NAALADL2: variants seen among roughly 807,000 people sequenced by gnomAD.
The protein encoded by NAALADL2 is N-acetylated alpha-linked acidic dipeptidase like 2.
Under a neutral mutation model 87.2 loss-of-function variants are expected in NAALADL2, and 76 were observed. That is an observed-to-expected ratio of 0.87 (90% CI 0.72 to 1.05). NAALADL2 has a LOEUF of 1.05. Ranked by LOEUF, NAALADL2 falls within the 50% of genes least tolerant of loss-of-function variation. The pLI, the probability that NAALADL2 is intolerant of heterozygous loss-of-function variation, is 0.00. For missense variants in NAALADL2, 1,089 were observed against 945.8 expected (o/e 1.15, Z -1.99); for synonymous variants, 354 against 331.0 (o/e 1.07, Z -0.75).
At chr3:175,575,832 G>T (rs1582467424) in intron 9 of NAALADL2, among the ~76,000 whole-genome samples, 1 of 152,096 alleles carries the variant, frequency 6.6e-6, no homozygotes, top group African/African-American at 2.4e-5. Context: ...TTCAGTGAGC[G>T]TCAGAATCAA....
At chr3:175,013,187 A>AATATGTAAAATATATTTATAT (rs1553916796) in intron 1 of NAALADL2, among the ~76,000 whole-genome samples, 6 of 93,990 alleles carry the variant, frequency 6.4e-5, no homozygotes, top group African/African-American at 3.1e-4. Flanking sequence ...TTTATATATA[A>AATATGTAAAATATATTTATAT]ATATATATAC....
In NAALADL2 at chr3:174,785,127, A is replaced by G. The variant is rs533017960; in HGVS notation, c.-9+47381A>G. On this transcript the variant is annotated intron_variant, in intron 3 of 3. Transcript: ENST00000434257. ...TGAGATATGAATGACACTGTCACCC[A>G]TGTAGTCAGCACAGTGTACAACAGT... Among the ~76,000 whole-genome samples, 7 of 152,242 alleles carry G rather than the reference A, an allele frequency of 4.6e-5. No homozygotes were observed. The South Asian group carries it at 1.4e-3, about 32-fold the overall frequency.
In NAALADL2 at chr3:175,803,027, GA is replaced by G; in HGVS notation, c.2216del (p.Lys739ArgfsTer9). 1 of 1,611,630 alleles carries G rather than the reference GA, an allele frequency of 6.2e-7. No individual in the cohort carries two copies. The highest frequency in any genetic ancestry group is 8.5e-7 in the Non-Finnish European group (1 of 1,178,418). ...CAGAAACATCCTCTACCACCTTGAT[GA>G]AAAGACAAGCCGGTTTTCAATACTT... ...FYRNILYHLD[E>X]KTSRFSILIE... On this transcript the variant is annotated frameshift_variant, in exon 14 of 14. Coordinates refer to ENST00000454872, the MANE Select transcript of NAALADL2 (RefSeq NM_207015.3). LOFTEE classifies it high-confidence loss of function.
rs201416958 is a variant in NAALADL2 at position 175,698,502 on chromosome 3, TAA to T, written c.1897-38801_1897-38800del. On this transcript the variant is annotated intron_variant, in intron 11 of 13. Transcript: ENST00000454872. ...ATATATTTATATATATATATATATA[TAA>T]AATCTCCAAGCAAATTCCTATGTAC... Among the ~76,000 whole-genome samples the T allele has an allele frequency of 3.2e-3, 448 of 141,082 alleles. 94 individuals carry two copies. The highest frequency in any genetic ancestry group is 0.011 in the African/African-American group (418 of 37,466). 92.6% of individuals were successfully genotyped at this position (141,082 alleles called of 152,430 possible). A position where few individuals can be genotyped will look rare whatever the true frequency, so the allele number is the denominator to read the frequency against.
chr3:174,534,883 T>C (rs1344138460), intron 1 of NAALADL2, among the ~76,000 whole-genome samples: 1 of 152,204 alleles, frequency 6.6e-6, no homozygotes, highest in Non-Finnish European at 1.5e-5. Context: ...TATCAGACTT[T>C]AGGCCAGTGG....
intron 5 of NAALADL2, among the ~76,000 whole-genome samples, chr3:175,380,936 C>G (rs1229457726): frequency 1.3e-5 from 2 of 151,664 alleles, no homozygotes; most frequent in Non-Finnish European, 2.9e-5. Flanking sequence ...GGAGATATTT[C>G]CAACTTATGA....
chr3:174,605,496 C>T (rs1027727625), intron 2 of NAALADL2, among the ~76,000 whole-genome samples: 17 of 152,292 alleles, frequency 1.1e-4, no homozygotes, highest in African/African-American at 3.1e-4. Flanking sequence ...GCTTAAAAAA[C>T]GGTGCACCAG....
At chr3:174,830,199 TG>T in intron 3 of NAALADL2, among the ~76,000 whole-genome samples, 1 of 141,126 alleles carries the variant, frequency 7.1e-6, no homozygotes, top group South Asian at 2.4e-4. Context: ...CCCATGCCTA[TG>T]TCCTGAATGG....
At chr3:174,975,928 A>T (rs545559703) in intron 1 of NAALADL2, among the ~76,000 whole-genome samples, 1 of 152,326 alleles carries the variant, frequency 6.6e-6, no homozygotes, top group South Asian at 2.1e-4. Flanking sequence ...TTGATTTTAA[A>T]TTTGTGAGCT....
At chr3:175,717,741 G>A (rs894196405) in intron 11 of NAALADL2, among the ~76,000 whole-genome samples, 8 of 148,214 alleles carry the variant, frequency 5.4e-5, no homozygotes, top group African/African-American at 1.7e-4. Context: ...TATACAGACA[G>A]CAACCTTGAA....
intron 11 of NAALADL2, among the ~76,000 whole-genome samples, chr3:175,684,089 A>G (rs562238972): frequency 3.3e-5 from 5 of 152,060 alleles, no homozygotes; most frequent in Non-Finnish European, 7.4e-5. Flanking sequence ...GTACTTTTGT[A>G]AAGGAGATGC....
intron 10 of NAALADL2, among the ~76,000 whole-genome samples, chr3:175,618,363 T>C (rs1725649839): frequency 6.6e-6 from 1 of 152,032 alleles, no homozygotes; most frequent in Non-Finnish European, 1.5e-5. Context: ...ACAACCTGGG[T>C]AGGGAGAAAG....
intron 11 of NAALADL2, among the ~76,000 whole-genome samples, chr3:175,711,333 G>A (rs961782460): frequency 1.8e-4 from 28 of 151,854 alleles, no homozygotes; most frequent in South Asian, 6.2e-4. Flanking sequence ...TGAATGATTA[G>A]AGAAAATTTT....
chr3:174,996,993 GGTGTGTGTGTGTGTGTGTGTGT>G (rs34590643), intron 1 of NAALADL2, among the ~76,000 whole-genome samples: 2 of 121,574 alleles, frequency 1.6e-5, no homozygotes, highest in African/African-American at 3.1e-5. Flanking sequence ...TATTCCAAGG[GGTGTGTGTGTGTGTGTGTGTGT>G]GTGTGTGTGT....
In NAALADL2 at chr3:175,616,384, A is replaced by C. The variant is rs563334228; in HGVS notation, c.1801-10907A>C. On this transcript the variant is annotated intron_variant, in intron 10 of 13. Coordinates refer to ENST00000454872, the MANE Select transcript of NAALADL2 (RefSeq NM_207015.3). ...ATTAAATCAGTAGTACTCACGTTTA[A>C]AAAATCTACATATATTTACATTATT... Among the ~76,000 whole-genome samples, 20 of 151,790 alleles carry C rather than the reference A, an allele frequency of 1.3e-4. No individual in the cohort carries two copies. The South Asian group carries it at 4.2e-3, about 32-fold the overall frequency.
intron 2 of NAALADL2, among the ~76,000 whole-genome samples, chr3:174,708,881 G>T (rs939396823): frequency 6.6e-6 from 1 of 152,058 alleles, no homozygotes; most frequent in Non-Finnish European, 1.5e-5. Flanking sequence ...AGTGGGTTTT[G>T]CTTTTGCCTA....
chr3:174,466,219 C>T (rs562185405), intron 1 of NAALADL2, among the ~76,000 whole-genome samples: 47 of 152,046 alleles, frequency 3.1e-4, no homozygotes, highest in African/African-American at 9.7e-4. Context: ...CAGCCCAAGA[C>T]GGCTTTGAAT....
At chr3:174,626,003 TATAAA>T (rs1239194362) in intron 2 of NAALADL2, among the ~76,000 whole-genome samples, 1 of 151,900 alleles carries the variant, frequency 6.6e-6, no homozygotes, top group African/African-American at 2.4e-5. Flanking sequence ...TGTATTCAAA[TATAAA>T]ATAAAATGGT....
chr3:175,070,344 G>T (rs1470043771), intron 1 of NAALADL2, among the ~76,000 whole-genome samples: 1 of 151,744 alleles, frequency 6.6e-6, no homozygotes. Context: ...GTGAAATAAG[G>T]AATTGTAAAA....
Sources: allele counts gnomAD v4.1 joint callset (sites outside exome capture counted in the v4.1 genomes callset), GRCh38; gene constraint gnomAD v4.1.1; transcripts MANE v1.5; gene names NCBI Gene and HGNC (gene_info 2026-07-23, HGNC 2026-07-21).